The following CSMD1 variants were observed in gnomAD, a reference collection of about 807,000 sequenced individuals.
CSMD1 encodes CUB and Sushi multiple domains 1.
In CSMD1, 213 loss-of-function variants were observed where a neutral mutation model predicts 417.5. The ratio of observed to expected loss-of-function variants is 0.51; its 90% CI spans 0.46 to 0.57. CSMD1 has a LOEUF of 0.57. Among genes scored for constraint, CSMD1 ranks in the 20% least tolerant of loss-of-function variants. The probability of loss-of-function intolerance (pLI) is 0.00; values close to 1 mark genes in which losing one functional copy is unlikely to be tolerated. For synonymous variants in CSMD1, 2,862 were observed against 1,736.8 expected (o/e 1.65, Z -16.11); for missense variants, 6,923 against 4,529.7 (o/e 1.53, Z -15.17).
At chr8:4,438,141 T>C (rs1311608092) in intron 2 of CSMD1, among the ~76,000 whole-genome samples, 1 of 152,126 alleles carries the variant, frequency 6.6e-6, no homozygotes, top group South Asian at 2.1e-4. Flanking sequence ...AAGAATTGAG[T>C]GTGCTTCCTG....
chr8:3,054,016 A>G (rs1812049090), intron 49 of CSMD1, among the ~76,000 whole-genome samples: 1 of 152,212 alleles, frequency 6.6e-6, no homozygotes, highest in South Asian at 2.1e-4. Flanking sequence ...ATAATTCTAC[A>G]TATAAAGAAA....
intron 10 of CSMD1, among the ~76,000 whole-genome samples, chr8:3,505,453 C>T (rs923617304): frequency 6.6e-6 from 1 of 152,150 alleles, no homozygotes; most frequent in African/African-American, 2.4e-5. Flanking sequence ...GGAAGATACA[C>T]TTTCACGACT....
intron 7 of CSMD1, among the ~76,000 whole-genome samples, chr8:3,678,993 T>A (rs1033717479): frequency 6.6e-6 from 1 of 152,144 alleles, no homozygotes; most frequent in East Asian, 1.9e-4. Flanking sequence ...CTGAGAGATT[T>A]TGCCACCACC....
chr8:3,450,897 T>C (rs186634511), intron 12 of CSMD1, among the ~76,000 whole-genome samples: 2,368 of 151,964 alleles, frequency 0.016, 61 homozygotes, highest in East Asian at 0.11. Flanking sequence ...CACACTGACT[T>C]CCACAATGGT....
intron 3 of CSMD1, among the ~76,000 whole-genome samples, chr8:4,147,877 C>T (rs1379397831): frequency 1.3e-5 from 2 of 152,068 alleles, no homozygotes; most frequent in African/African-American, 4.8e-5. Context: ...TTCATGGAAT[C>T]AGGGGCTGCA....
intron 1 of CSMD1, among the ~76,000 whole-genome samples, chr8:4,712,884 G>A (rs146448937): frequency 1.6e-4 from 24 of 152,288 alleles, no homozygotes; most frequent in African/African-American, 5.1e-4. Flanking sequence ...CATGCCGATG[G>A]ATGGAAGAAG....
intron 1 of CSMD1, among the ~76,000 whole-genome samples, chr8:4,963,962 T>C (rs1433871859): frequency 6.6e-6 from 1 of 152,160 alleles, no homozygotes; most frequent in Non-Finnish European, 1.5e-5. Context: ...CCAAATACTC[T>C]ATAACATATA....
At chr8:4,362,626 G>C (rs75320586) in intron 3 of CSMD1, among the ~76,000 whole-genome samples, 1 of 152,204 alleles carries the variant, frequency 6.6e-6, no homozygotes, top group African/African-American at 2.4e-5. Flanking sequence ...CTTTTCACCA[G>C]TTTGCTACCC....
intron 43 of CSMD1, among the ~76,000 whole-genome samples, chr8:3,109,607 G>T (rs923792234): frequency 6.6e-6 from 1 of 152,030 alleles, no homozygotes; most frequent in Non-Finnish European, 1.5e-5. Flanking sequence ...CAGAGCCCAG[G>T]TGCATCCTCA....
intron 50 of CSMD1, among the ~76,000 whole-genome samples, chr8:3,047,384 T>A (rs1161627327): frequency 6.6e-6 from 1 of 152,142 alleles, no homozygotes; most frequent in African/African-American, 2.4e-5. Flanking sequence ...CGGCCTTCTG[T>A]TTCATGTCCT....
rs1274963260 is a variant in CSMD1 at position 4,514,643 on chromosome 8, C to T, written c.303-94578G>A. On this transcript the variant is annotated intron_variant, in intron 2 of 69. Transcript: ENST00000635120. ...AAGTTTTTATAAAAGCAACATCAGCCCTGTTAAATAAAAAAGTAGACCTCA... is the reference window on the plus strand; with the variant it reads ...AAGTTTTTATAAAAGCAACATCAGCTCTGTTAAATAAAAAAGTAGACCTCA... Among the ~76,000 whole-genome samples the T allele has an allele frequency of 2.6e-5, 4 of 152,186 alleles. No homozygotes were observed. In the South Asian group the frequency reaches 8.3e-4, roughly 32 times the overall value.
At chr8:4,597,831 G>A (rs1372306959) in intron 2 of CSMD1, among the ~76,000 whole-genome samples, 1 of 152,100 alleles carries the variant, frequency 6.6e-6, no homozygotes, top group African/African-American at 2.4e-5. Flanking sequence ...GAGCCTGCTT[G>A]TCCCCCAAAC....
At chr8:3,967,481 G>C (rs546675933) in intron 5 of CSMD1, among the ~76,000 whole-genome samples, 23 of 152,110 alleles carry the variant, frequency 1.5e-4, no homozygotes, top group African/African-American at 5.5e-4. Flanking sequence ...CAGATGGAAA[G>C]TTGTTGAAAT....
chr8:4,828,700 T>C (rs1347379749), intron 1 of CSMD1, among the ~76,000 whole-genome samples: 2 of 152,144 alleles, frequency 1.3e-5, no homozygotes, highest in East Asian at 1.9e-4. Flanking sequence ...AAAGTCAACC[T>C]GGCATGACTT....
chr8:3,354,451 AAGAAAC>A (rs11280117), intron 21 of CSMD1, among the ~76,000 whole-genome samples: 68,439 of 151,232 alleles, frequency 0.45, 15,608 homozygotes, highest in Admixed American at 0.52. Context: ...CAGCTCAACT[AAGAAAC>A]AGAAACAGAA....
rs553349871 is a variant in CSMD1, at chr8:4,446,775, G to C, written c.303-26710C>G. Among the ~76,000 whole-genome samples, 1,301 of 146,916 alleles carry C rather than the reference G, an allele frequency of 8.9e-3. 10 individuals carry two copies. Among genetic ancestry groups the C allele is most frequent in the South Asian group, 0.023 (106 of 4,674 alleles). ...TGTGTCTGTGTGTGTGTGTGTGTGT[G>C]TGTGTGTGTGTGTGTGTGTGTATTT... On this transcript the variant is annotated intron_variant, in intron 2 of 69. Coordinates refer to ENST00000635120, the MANE Select transcript of CSMD1 (RefSeq NM_033225.6).
chr8:3,642,643 G>A (rs193002974), intron 7 of CSMD1, among the ~76,000 whole-genome samples: 1 of 152,272 alleles, frequency 6.6e-6, no homozygotes, highest in East Asian at 1.9e-4. Context: ...CAGGTTAACG[G>A]ACGGTCGATG....
intron 1 of CSMD1, among the ~76,000 whole-genome samples, chr8:4,736,292 G>T (rs1422847392): frequency 6.6e-6 from 1 of 152,168 alleles, no homozygotes; most frequent in Admixed American, 6.5e-5. Flanking sequence ...ACACTCTGTT[G>T]TGTATCCAGG....
rs959422164 is a variant in CSMD1 at position 3,409,592 on chromosome 8, T to C, written c.1575A>G (p.Gly525=). ...CGGGGATTCCAGGATCCCCACACCC[T>C]CCCTTTTCAATTTCTGAAAATGGAA... ...FKAVYQEIEK[G]GCGDPGIPAY... Residue 525 remains glycine (G), a synonymous_variant, in exon 13 of 70, where the codon GGA becomes GGG. Coordinates refer to ENST00000635120, the MANE Select transcript of CSMD1 (RefSeq NM_033225.6). 6 of 1,586,678 alleles carry C rather than the reference T, an allele frequency of 3.8e-6. No homozygotes were observed. Among genetic ancestry groups the C allele is most frequent in the Non-Finnish European group, 5.2e-6 (6 of 1,163,928 alleles).
Sources: gnomAD v4.1 joint callset for allele counts (sites outside exome capture counted in the v4.1 genomes callset) on GRCh38, gnomAD v4.1.1 for gene constraint, MANE v1.5 for transcripts, NCBI Gene and HGNC (gene_info 2026-07-23, HGNC 2026-07-21) for gene names.